The following DNAH10 variants were observed in gnomAD, a reference collection of about 807,000 sequenced individuals.
DNAH10 encodes the protein axonemal beta dynein heavy chain 10.
In DNAH10, 348 loss-of-function variants were observed where a neutral mutation model predicts 506.6. That is an observed-to-expected ratio of 0.69 (90% CI 0.63 to 0.75). The LOEUF (loss-of-function observed/expected upper bound fraction) is 0.75. Ranked by LOEUF, DNAH10 falls within the 30% of genes least tolerant of loss-of-function variation. DNAH10 has a pLI of 0.00. For missense variants in DNAH10, 5,179 were observed against 5,787.1 expected (o/e 0.89, Z 3.41); for synonymous variants, 2,059 against 2,198.6 (o/e 0.94, Z 1.78).
chr12:123,785,865 G>A lies in DNAH10; in HGVS notation c.1350G>A (p.Pro450=), dbSNP rs774201564. 1.7e-5 allele frequency: 27 copies of A among 1,614,054 alleles called. No homozygotes were observed. The African/African-American group carries it at 2.0e-4, about 12-fold the overall frequency. ...RHYNKDERMI[P]LMERIAWEIA... ...ACAACAAAGACGAGAGGATGATTCCGCTCATGGAGCGCATCGCCTGGGAAA... is the reference window on the plus strand; with the variant it reads ...ACAACAAAGACGAGAGGATGATTCCACTCATGGAGCGCATCGCCTGGGAAA... Residue 450 remains proline, a synonymous_variant, in exon 9 of 79, where the codon CCG becomes CCA. Transcript: ENST00000673944. This position sits in a 1 kb window ranked among gnomAD's most constrained non-coding sequence, Gnocchi z 4.1.
At chr12:123,873,829 T>G (rs977573147) in intron 46 of DNAH10, 119 bp downstream of exon 46, 13 of 1,341,860 alleles carry the variant, frequency 9.7e-6, no homozygotes, top group Admixed American at 3.0e-5. Flanking sequence ...GTGCAATGTC[T>G]GCAGGGTACA....
At chr12:123,847,080 G>GTATC (rs536992258) in intron 32 of DNAH10, among the ~76,000 whole-genome samples, 11 of 149,292 alleles carry the variant, frequency 7.4e-5, no homozygotes, top group African/African-American at 2.1e-4. Context: ...GTCTGTCTGT[G>GTATC]TATCTATCTA....
intron 46 of DNAH10, 87 bp from the exon 47 acceptor site, chr12:123,875,144 A>G (rs1249483198): frequency 1.4e-6 from 2 of 1,457,784 alleles, no homozygotes; most frequent in Non-Finnish European, 1.8e-6. Flanking sequence ...GGGAAAAATG[A>G]GCTTGAGCTG....
chr12:123,908,850 GT>G (rs150396267), intron 57 of DNAH10, among the ~76,000 whole-genome samples: 2,611 of 152,218 alleles, frequency 0.017, 77 homozygotes, highest in African/African-American at 0.059. Flanking sequence ...AGAGATAATG[GT>G]TGGTGGTGAT....
In DNAH10 at chr12:123,796,802, A is replaced by G. The variant is rs1958292165; in HGVS notation, c.2133A>G (p.Gln711=). 1.2e-6 allele frequency: 2 copies of G among 1,613,850 alleles called. No individual in the cohort carries two copies. Among genetic ancestry groups the G allele is most frequent in the Non-Finnish European group, 1.7e-6 (2 of 1,179,982 alleles). ...CCATCCTCCGATTTCAAGAGGTACA[A>G]GAGATACTGGACAGTGATCGAGGAC... is the stretch of plus-strand genomic sequence containing the variant. The part of the protein sequence containing the change: ...KHTILRFQEV[Q]EILDSDRGQE... The change falls in exon 13 of 79, where the codon CAA becomes CAG. Residue 711 remains glutamine, a synonymous_variant. Coordinates refer to ENST00000673944, the MANE Select transcript of DNAH10 (RefSeq NM_001372106.1).
At position 123,813,153 on chromosome 12, in the gene DNAH10, T is replaced by TA; in HGVS notation, c.3145-10dup. Reference sequence around the variant, plus strand: ...AAATACTGTCTTTTCTCCTAATTCTTACTTTGCCAGCATTTTGTTCGTTGG... The same window carrying TA: ...AAATACTGTCTTTTCTCCTAATTCTTAACTTTGCCAGCATTTTGTTCGTTGG... On this transcript the variant is annotated splice_polypyrimidine_tract_variant and intron_variant, in intron 19 of 78. Transcript: ENST00000673944. The TA allele has an allele frequency of 6.3e-7, 1 of 1,591,590 alleles. No individual in the cohort carries two copies. The highest frequency in any genetic ancestry group is 8.6e-7 in the Non-Finnish European group (1 of 1,168,076).
chr12:123,852,427 T>C (rs780864304), intron 35 of DNAH10, among the ~76,000 whole-genome samples: 5 of 152,218 alleles, frequency 3.3e-5, no homozygotes, highest in Non-Finnish European at 7.3e-5. Flanking sequence ...TTGGTGCCTA[T>C]TACCGTGTCA....
rs566976549 is a variant in DNAH10 at position 123,909,519 on chromosome 12, G to T, written c.9997+77G>T. On this transcript the variant is annotated intron_variant, in intron 58 of 78. Transcript: ENST00000673944. This position sits in a 1 kb window ranked among gnomAD's most constrained non-coding sequence, Gnocchi z 5.4. ...TCAGGCTCTGGGACAGGGATGGAGG[G>T]CAAGGAGGCTTGTCGTGGGCAGGCC... 917 of 1,468,198 alleles carry T rather than the reference G, an allele frequency of 6.2e-4. No homozygotes were observed. Among genetic ancestry groups the T allele is most frequent in the Non-Finnish European group, 7.9e-4 (871 of 1,103,522 alleles). The allele number at this position is 1,468,198 out of a possible 1,614,324, so 90.9% of individuals were successfully genotyped here. A position where few individuals can be genotyped will look rare whatever the true frequency, so the allele number is the denominator to read the frequency against.
chr12:123,787,764 C>A lies in DNAH10; in HGVS notation c.1422-40C>A. On this transcript the variant is annotated intron_variant, in intron 9 of 78. Transcript: ENST00000673944. This position sits in a 1 kb window ranked among gnomAD's most constrained non-coding sequence, Gnocchi z 4.6. ...CGGGGAGTGCGGCTCGGACCCGGAG[C>A]TCCGCCCTCCTCCCATCACGGCATC... 3 of 1,591,298 alleles carry A rather than the reference C, an allele frequency of 1.9e-6. No homozygotes were observed. The highest frequency in any genetic ancestry group is 2.6e-6 in the Non-Finnish European group (3 of 1,169,808).
At position 123,861,064 on chromosome 12, in the gene DNAH10, A is replaced by G; in HGVS notation, c.6802A>G (p.Ile2268Val). Reference protein sequence around the residue: ...YILNPKAVSVIELYGILDPTT... With the variant: ...YILNPKAVSVVELYGILDPTT... ...CCTGAACCCCAAAGCCGTGAGTGTCATAGAACTCTACGGCATCCTGGACCC... is the reference window on the plus strand; with the variant it reads ...CCTGAACCCCAAAGCCGTGAGTGTCGTAGAACTCTACGGCATCCTGGACCC... The change falls in exon 39 of 79, where the codon ATA (isoleucine) becomes GTA (valine). Residue 2268 changes from isoleucine to valine, a missense_variant. Coordinates refer to ENST00000673944, the MANE Select transcript of DNAH10 (RefSeq NM_001372106.1). The G allele has an allele frequency of 1.2e-6, 2 of 1,614,032 alleles. No individual in the cohort carries two copies. The highest frequency in any genetic ancestry group is 1.7e-6 in the Non-Finnish European group (2 of 1,179,900).
At position 123,917,938 on chromosome 12, in the gene DNAH10, C is replaced by T. The variant is rs1156529431; in HGVS notation, c.11232+125C>T. On this transcript the variant is annotated intron_variant, in intron 64 of 78. Transcript: ENST00000673944. The surrounding 1 kb of genome is among the most constrained non-coding windows in gnomAD (Gnocchi z 5.6). ...TGATCTCAGGGCTAAAAACCCACCTCTATTGGGATGTGCTGTGGGGAGGGG... is the reference window on the plus strand; with the variant it reads ...TGATCTCAGGGCTAAAAACCCACCTTTATTGGGATGTGCTGTGGGGAGGGG... 5.8e-6 allele frequency: 6 copies of T among 1,039,764 alleles called. No homozygotes were observed. Among genetic ancestry groups the T allele is most frequent in the East Asian group, 2.6e-5 (1 of 38,484 alleles). 64.4% of individuals were successfully genotyped at this position (1,039,764 alleles called of 1,614,324 possible).
chr12:123,799,298 G>C lies in DNAH10; in HGVS notation c.2216G>C (p.Arg739Thr). Residue 739 changes from arginine (R) to threonine (T), a missense_variant, in exon 14 of 79, where the codon AGA becomes ACA. Transcript: ENST00000673944. ...AGGACAATGAAGGAGTATGAAGACAGAAAGTATGAGCAGTGGATGGAGGTG... is the reference window on the plus strand; with the variant it reads ...AGGACAATGAAGGAGTATGAAGACACAAAGTATGAGCAGTGGATGGAGGTG... ...VGRTMKEYED[R>T]KYEQWMEVTE... is the part of the protein sequence containing the mutation. 1 of 1,613,936 alleles carries C rather than the reference G, an allele frequency of 6.2e-7. No homozygotes were observed. Among genetic ancestry groups the C allele is most frequent in the South Asian group, 1.1e-5 (1 of 91,060 alleles).
rs754014365 is a variant in DNAH10, at chr12:123,772,817, T to C, written c.397-17T>C. 9.5e-6 allele frequency: 15 copies of C among 1,574,702 alleles called. No individual in the cohort carries two copies. The highest frequency in any genetic ancestry group is 1.1e-5 in the Non-Finnish European group (13 of 1,157,454). On this transcript the variant is annotated splice_polypyrimidine_tract_variant and intron_variant, in intron 3 of 78. Transcript: ENST00000673944. ...ATGTATCACAAGAATGAATGGTTTT[T>C]GTTCCCCATGTTTCAGAGAACTGCG...
chr12:123,838,464 T>G lies in DNAH10; in HGVS notation c.4911T>G (p.Gly1637=). 6.2e-7 allele frequency: 1 copy of G among 1,613,032 alleles called. No individual in the cohort carries two copies. The highest frequency in any genetic ancestry group is 8.5e-7 in the Non-Finnish European group (1 of 1,179,414). ...NIDKVFKRIM[G]ETLKDPVIKR... ...CCTCTGTTCTGGTCCAGATCATGGG[T>G]GAGACCTTAAAAGACCCCGTGATCA... Residue 1637 remains glycine, a synonymous_variant, in exon 29 of 79, where the codon GGT becomes GGG. Transcript: ENST00000673944.
intron 50 of DNAH10, among the ~76,000 whole-genome samples, chr12:123,880,744 G>A (rs1305405086): frequency 2.6e-5 from 4 of 151,362 alleles, no homozygotes; most frequent in Non-Finnish European, 4.4e-5. Flanking sequence ...TTGGTGTAGT[G>A]CACCCATTAA....
At chr12:123,898,083 GC>G in intron 55 of DNAH10, 116 bp downstream of exon 55, 2 of 980,802 alleles carry the variant, frequency 2.0e-6, no homozygotes, top group Non-Finnish European at 2.9e-6. Flanking sequence ...GCCAAACGAA[GC>G]ACATCTTGGA....
intron 78 of DNAH10, chr12:123,935,124 G>A: frequency 3.2e-6 from 2 of 624,356 alleles, no homozygotes; most frequent in East Asian, 2.8e-5. Context: ...CTCTGCCTGG[G>A]CCAGGACCCA....
At chr12:123,779,615 G>GAGAGAGAA (rs1468806087) in intron 5 of DNAH10, among the ~76,000 whole-genome samples, 1 of 151,698 alleles carries the variant, frequency 6.6e-6, no homozygotes, top group Non-Finnish European at 1.5e-5. Flanking sequence ...GAGAGAGAGA[G>GAGAGAGAA]AGAGAGAAAC....
In DNAH10 at chr12:123,877,782, G is replaced by T. The variant is rs1363398283; in HGVS notation, c.8246G>T (p.Cys2749Phe). The T allele has an allele frequency of 1.9e-6, 3 of 1,613,476 alleles. No homozygotes were observed. The African/African-American group carries it at 4.0e-5, about 22-fold the overall frequency. Residue 2749 changes from cysteine (C) to phenylalanine (F), a missense_variant, in exon 48 of 79, where the codon TGC (cysteine) becomes TTC (phenylalanine). Cys to Phe is a radical substitution (Grantham distance 205). This residue lies in a region of DNAH10 where 4,844 missense variants were observed against 5,430.5 expected (regional missense o/e 0.89). Transcript: ENST00000673944. The part of the protein sequence containing the change: ...IVAVSGKLTF[C>F]TLALYKNIVQ... ...GCTGTGAGTGGCAAGCTGACATTCT[G>T]CACGCTAGCACTTTACAAAAATATT...
Sources: allele counts gnomAD v4.1 joint callset (sites outside exome capture counted in the v4.1 genomes callset), GRCh38; gene constraint gnomAD v4.1.1; regional missense constraint gnomAD v4.1.1; non-coding constraint Gnocchi (gnomAD v3.1); transcripts MANE v1.5; gene names NCBI Gene and HGNC (gene_info 2026-07-23, HGNC 2026-07-21).